Variants in ERBB4 observed in about 807,000 individuals in gnomAD.
The protein encoded by ERBB4 is receptor tyrosine-protein kinase erbB-4.
ERBB4 carries 42 observed loss-of-function variants against 158.0 expected under a neutral mutation model. The ratio of observed to expected loss-of-function variants is 0.27; its 90% CI spans 0.21 to 0.34. The LOEUF (loss-of-function observed/expected upper bound fraction) is 0.34. Ranked by LOEUF, ERBB4 falls within the 10% of genes least tolerant of loss-of-function variation. The pLI is 1.00. For synonymous variants in ERBB4, 583 were observed against 558.7 expected (o/e 1.04, Z -0.61); for missense variants, 1,333 against 1,624.1 (o/e 0.82, Z 3.08).
intron 2 of ERBB4, among the ~76,000 whole-genome samples, chr2:211,974,964 T>G (rs2125213649): frequency 6.6e-6 from 1 of 152,068 alleles, no homozygotes; most frequent in Admixed American, 6.6e-5. Flanking sequence ...CTCATTAAAC[T>G]TGAATCAAGA....
At chr2:211,625,933 T>C (rs1185015364) in intron 17 of ERBB4, among the ~76,000 whole-genome samples, 2 of 152,224 alleles carry the variant, frequency 1.3e-5, no homozygotes, top group African/African-American at 2.4e-5. Context: ...TCAGTCTTCT[T>C]TAATTTTCTT....
chr2:211,735,964 G>A lies in ERBB4; in HGVS notation c.623-10770C>T, dbSNP rs113716666. Among the ~76,000 whole-genome samples, 784 of 151,830 alleles carry A rather than the reference G, an allele frequency of 5.2e-3. 7 individuals are homozygous for A. Among genetic ancestry groups the A allele is most frequent in the African/African-American group, 0.018 (734 of 41,442 alleles). Reference sequence around the variant, plus strand: ...GCCCAGGCATTCGAGACTAGCCTAGGCAACATAATGAGACCTTGTCTCTAC... The same window carrying A: ...GCCCAGGCATTCGAGACTAGCCTAGACAACATAATGAGACCTTGTCTCTAC... On this transcript the variant is annotated intron_variant, in intron 5 of 27. Coordinates refer to ENST00000342788, the MANE Select transcript of ERBB4 (RefSeq NM_005235.3).
intron 3 of ERBB4, among the ~76,000 whole-genome samples, chr2:211,855,150 T>G (rs1357197081): frequency 6.6e-6 from 1 of 152,176 alleles, no homozygotes; most frequent in Non-Finnish European, 1.5e-5. Flanking sequence ...TATCTTCTGT[T>G]GGAGAGTGCT....
intron 12 of ERBB4, among the ~76,000 whole-genome samples, chr2:211,695,887 A>G (rs1177827143): frequency 6.6e-6 from 1 of 152,174 alleles, no homozygotes; most frequent in Admixed American, 6.5e-5. Context: ...GGAAAATAAA[A>G]TGTTTAGTAG....
chr2:211,829,555 CTTGT>C (rs2077175290), intron 3 of ERBB4, among the ~76,000 whole-genome samples: 1 of 152,070 alleles, frequency 6.6e-6, no homozygotes, highest in Non-Finnish European at 1.5e-5. Context: ...AATTTGTTTA[CTTGT>C]TTATCATCTG....
At chr2:211,404,974 A>G (rs1247809436) in intron 25 of ERBB4, among the ~76,000 whole-genome samples, 2 of 152,184 alleles carry the variant, frequency 1.3e-5, no homozygotes, top group Non-Finnish European at 2.9e-5. Flanking sequence ...AATTAATAAA[A>G]TGTGGAAATT....
chr2:211,833,332 T>C (rs1175745493), intron 3 of ERBB4, among the ~76,000 whole-genome samples: 1 of 152,112 alleles, frequency 6.6e-6, no homozygotes, highest in Non-Finnish European at 1.5e-5. Context: ...GTTCTCTCCA[T>C]TTTTCTGCTC....
chr2:212,241,084 G>A (rs1347945552), intron 1 of ERBB4, among the ~76,000 whole-genome samples: 5 of 151,946 alleles, frequency 3.3e-5, no homozygotes, highest in Admixed American at 3.3e-4. Flanking sequence ...TTATTTCCAA[G>A]TAATTAATAA....
At chr2:212,163,658 C>G (rs897207622) in intron 1 of ERBB4, among the ~76,000 whole-genome samples, 1 of 152,066 alleles carries the variant, frequency 6.6e-6, no homozygotes, top group Non-Finnish European at 1.5e-5. Flanking sequence ...TTGTGCCTTT[C>G]CTGTCACTGG....
chr2:212,134,571 T>A (rs79873748), intron 1 of ERBB4, among the ~76,000 whole-genome samples: 11,518 of 151,630 alleles, frequency 0.076, 867 homozygotes, highest in African/African-American at 0.19. Context: ...GGTATCCTTT[T>A]AAAAAAAATC....
intron 20 of ERBB4, among the ~76,000 whole-genome samples, chr2:211,503,614 G>A (rs904462402): frequency 3.9e-5 from 6 of 152,120 alleles, no homozygotes; most frequent in South Asian, 2.1e-4. Flanking sequence ...CCCGCATAGC[G>A]CCTTGGGCAC....
At chr2:211,870,997 A>G (rs1214708363) in intron 3 of ERBB4, among the ~76,000 whole-genome samples, 1 of 152,252 alleles carries the variant, frequency 6.6e-6, no homozygotes, top group Non-Finnish European at 1.5e-5. Context: ...CTAAAAGTCA[A>G]GCTTAGTGTG....
At chr2:212,057,541 C>T (rs2125411699) in intron 2 of ERBB4, among the ~76,000 whole-genome samples, 1 of 152,284 alleles carries the variant, frequency 6.6e-6, no homozygotes, top group South Asian at 2.1e-4. Context: ...TAAAGCACTC[C>T]TCAGCAAATG....
chr2:212,093,403 A>C (rs1326229298), intron 2 of ERBB4, among the ~76,000 whole-genome samples: 1 of 152,226 alleles, frequency 6.6e-6, no homozygotes, highest in Non-Finnish European at 1.5e-5. Flanking sequence ...CAACAATAAC[A>C]ACAAGAAACA....
At chr2:212,508,885 T>A (rs1313745252) in intron 1 of ERBB4, among the ~76,000 whole-genome samples, 1 of 152,158 alleles carries the variant, frequency 6.6e-6, no homozygotes, top group Non-Finnish European at 1.5e-5. Flanking sequence ...TTCTTTGTCA[T>A]TGTCATCTGC....
At chr2:212,361,314 C>T (rs1398127754) in intron 1 of ERBB4, among the ~76,000 whole-genome samples, 2 of 151,386 alleles carry the variant, frequency 1.3e-5, no homozygotes, top group Admixed American at 1.3e-4. Flanking sequence ...GTCTAGACAC[C>T]ACCAGTCAAA....
At chr2:212,113,228 T>A (rs2079468318) in intron 2 of ERBB4, among the ~76,000 whole-genome samples, 1 of 151,994 alleles carries the variant, frequency 6.6e-6, no homozygotes, top group Non-Finnish European at 1.5e-5. Flanking sequence ...AAAAAGACAT[T>A]CCATAGAGGA....
intron 2 of ERBB4, among the ~76,000 whole-genome samples, chr2:212,102,033 G>A (rs1040594298): frequency 1.4e-5 from 2 of 143,930 alleles, no homozygotes; most frequent in Non-Finnish European, 3.0e-5. Context: ...TCTTTCCCTT[G>A]AACTTGTCCT....
At chr2:211,569,834 T>C (rs563576009) in intron 19 of ERBB4, among the ~76,000 whole-genome samples, 1 of 152,328 alleles carries the variant, frequency 6.6e-6, no homozygotes, top group South Asian at 2.1e-4. Context: ...AAGTCTTAAA[T>C]CCTTAAGAAG....
Sources: allele counts gnomAD v4.1 joint callset (sites outside exome capture counted in the v4.1 genomes callset), GRCh38; gene constraint gnomAD v4.1.1; transcripts MANE v1.5; gene names NCBI Gene and HGNC (gene_info 2026-07-23, HGNC 2026-07-21).